Variants in FBXL13 observed in about 807,000 individuals in gnomAD.
The protein encoded by FBXL13 is F-box and leucine rich repeat protein 13.
A neutral mutation model predicts 83.6 loss-of-function variants in FBXL13; 67 were observed. That is an observed-to-expected ratio of 0.80 (90% CI 0.66 to 0.98). The LOEUF (loss-of-function observed/expected upper bound fraction) is 0.98, where lower values mean the gene tolerates loss of function less well. Among genes scored for constraint, FBXL13 ranks in the 50% least tolerant of loss-of-function variants. The pLI is 0.00. For synonymous variants in FBXL13, 272 were observed against 299.5 expected, an observed-to-expected ratio of 0.91 and a Z score of 0.95; for missense variants, 822 against 866.5, an observed-to-expected ratio of 0.95 and a Z score of 0.64.
At chr7:102,934,762 C>G (rs1819964910) in intron 8 of FBXL13, 1 of 1,254,018 alleles carries the variant, frequency 8.0e-7, no homozygotes, top group Middle Eastern at 2.0e-4. Context: ...TCCCTACATC[C>G]CACCATGTCT....
chr7:102,995,291 C>T (rs1427320250), intron 6 of FBXL13, among the ~76,000 whole-genome samples: 1 of 151,206 alleles, frequency 6.6e-6, no homozygotes, highest in African/African-American at 2.4e-5. Context: ...ACCATTATGG[C>T]TAACATGGTG....
intron 11 of FBXL13, among the ~76,000 whole-genome samples, chr7:102,903,939 C>CTTTTCTTTTTTTTTTTTTTTTTTTT (rs1321420603): frequency 1.4e-4 from 6 of 43,456 alleles, no homozygotes; most frequent in East Asian, 1.3e-3. Context: ...CTTTTCTTTT[C>CTTTTCTTTTTTTTTTTTTTTTTTTT]TTTTTTTTTT....
intron 9 of FBXL13, among the ~76,000 whole-genome samples, chr7:102,930,614 C>T (rs1818982451): frequency 6.6e-6 from 1 of 152,166 alleles, no homozygotes; most frequent in Non-Finnish European, 1.5e-5. Flanking sequence ...CACTTTGGTT[C>T]TTTCTGAAAC....
intron 2 of FBXL13, among the ~76,000 whole-genome samples, chr7:103,049,660 T>C (rs1282442696): frequency 2.0e-5 from 3 of 152,196 alleles, no homozygotes; most frequent in African/African-American, 7.2e-5. Flanking sequence ...CTCCTGTTTT[T>C]CCCAAGGAGT....
Position 102,855,229 on chromosome 7 carries a change from T to C in FBXL13, c.1636-369A>G, listed in dbSNP as rs1172219389. ...ATACTTCATGTGGATAAAGAACCTA[T>C]TTGTTAATATATTTTTATTTATGCC... On this transcript the variant is annotated intron_variant, in intron 16 of 19. Transcript: ENST00000313221. Among the ~76,000 whole-genome samples, 5 of 152,196 alleles carry C rather than the reference T, an allele frequency of 3.3e-5. 1 individual carries two copies. The East Asian group carries it at 9.6e-4, about 29-fold the overall frequency.
At chr7:102,902,033 T>C (rs1452949358) in intron 11 of FBXL13, among the ~76,000 whole-genome samples, 1 of 152,344 alleles carries the variant, frequency 6.6e-6, no homozygotes, top group South Asian at 2.1e-4. Context: ...GTGGTTGTAC[T>C]AATTTACATT....
intron 6 of FBXL13, chr7:102,976,127 G>C (rs761506902): frequency 1.3e-6 from 1 of 766,422 alleles, no homozygotes; most frequent in South Asian, 1.3e-5. Flanking sequence ...CCTCCTACTC[G>C]GATCTCGTCA....
chr7:102,922,961 G>C (rs1817372523), intron 10 of FBXL13, among the ~76,000 whole-genome samples: 1 of 152,148 alleles, frequency 6.6e-6, no homozygotes, highest in Admixed American at 6.6e-5. Flanking sequence ...CTGGGCGACA[G>C]AGCGAGACTC....
At position 103,038,097 on chromosome 7, in the gene FBXL13, A is replaced by T. The variant is rs565112693; in HGVS notation, c.1-8679T>A. On this transcript the variant is annotated intron_variant, in intron 2 of 19. Coordinates refer to ENST00000313221, the Ensembl canonical transcript of FBXL13. ...TGGGAAAACGGTACATGCCTGACCA[A>T]ATACTGAGCTTTTCCCACAGTCTTC... Among the ~76,000 whole-genome samples, 3 of 152,286 alleles carry T rather than the reference A, an allele frequency of 2.0e-5. No individual in the cohort carries two copies. In the East Asian group the frequency reaches 5.8e-4, roughly 30 times the overall value.
chr7:103,013,963 G>A (rs1791948499), intron 6 of FBXL13, among the ~76,000 whole-genome samples: 1 of 151,924 alleles, frequency 6.6e-6, no homozygotes, highest in African/African-American at 2.4e-5. Flanking sequence ...TATTACCACT[G>A]ACCCCCCAGA....
At chr7:102,971,511 C>T (rs6945997) in intron 6 of FBXL13, among the ~76,000 whole-genome samples, 110,811 of 149,978 alleles carry the variant, frequency 0.74, 42,001 homozygotes, top group Middle Eastern at 0.83. Context: ...GCAGGAGAAT[C>T]GCTTGAACCC....
At chr7:102,859,954 T>A (rs1806560542) in intron 16 of FBXL13, among the ~76,000 whole-genome samples, 1 of 152,116 alleles carries the variant, frequency 6.6e-6, no homozygotes, top group Admixed American at 6.5e-5. Flanking sequence ...TGGGGAGCAC[T>A]TTGCTCCTCC....
At chr7:102,962,986 A>AAT (rs10612534) in intron 8 of FBXL13, among the ~76,000 whole-genome samples, 26 of 101,418 alleles carry the variant, frequency 2.6e-4, no homozygotes, top group African/African-American at 9.3e-4. Context: ...GGATAATAAA[A>AAT]ATATATATAT....
chr7:103,025,212 G>A lies in FBXL13; in HGVS notation c.346C>T (p.Gln116Ter), dbSNP rs773449929. The change falls in exon 6 of 20, where the codon CAA (glutamine) becomes TAA (stop). Residue 116 changes from glutamine to a stop codon, truncating the protein, a stop_gained. Transcript: ENST00000313221. LOFTEE classifies it high-confidence loss of function. ...AACCTATTTTTCCATTTTTTCAATT[G>A]AAGTTCATGTTTTAATATCTGCAAT... The A allele has an allele frequency of 6.3e-7, 1 of 1,578,222 alleles. No homozygotes were observed. The highest frequency in any genetic ancestry group is 8.6e-7 in the Non-Finnish European group (1 of 1,157,924).
chr7:102,987,357 T>C (rs1258504850), intron 6 of FBXL13, among the ~76,000 whole-genome samples: 2 of 152,136 alleles, frequency 1.3e-5, no homozygotes, highest in Non-Finnish European at 2.9e-5. Flanking sequence ...TCACACTCTC[T>C]ATGAAGTAAA....
intron 8 of FBXL13, among the ~76,000 whole-genome samples, chr7:102,947,629 C>G (rs1822739511): frequency 6.6e-6 from 1 of 152,128 alleles, no homozygotes; most frequent in Admixed American, 6.5e-5. Context: ...TTTATAGTTA[C>G]TCTTGTAACT....
intron 6 of FBXL13, chr7:102,976,360 C>T (rs1004097388): frequency 1.7e-6 from 1 of 596,814 alleles, no homozygotes; most frequent in African/African-American, 1.9e-5. Flanking sequence ...ACCCTGAGCC[C>T]CCCGCTCCAC....
chr7:102,856,118 T>G (rs1806016780), intron 16 of FBXL13, among the ~76,000 whole-genome samples: 1 of 152,222 alleles, frequency 6.6e-6, no homozygotes, highest in Non-Finnish European at 1.5e-5. Context: ...AATATCTTTT[T>G]CTTCTATGCA....
chr7:102,860,470 G>A (rs748907810), intron 16 of FBXL13, among the ~76,000 whole-genome samples: 3 of 152,212 alleles, frequency 2.0e-5, no homozygotes, highest in Non-Finnish European at 4.4e-5. Flanking sequence ...TGTGCAAAGT[G>A]TGAGTTGTTG....
Sources: allele counts gnomAD v4.1 joint callset (sites outside exome capture counted in the v4.1 genomes callset), GRCh38; gene constraint gnomAD v4.1.1; transcripts MANE v1.5; gene names NCBI Gene and HGNC (gene_info 2026-07-23, HGNC 2026-07-21).